Variants in MAD1L1 observed in about 807,000 individuals in gnomAD.
MAD1L1 encodes the protein mitotic arrest deficient 1 like 1.
A neutral mutation model predicts 96.9 loss-of-function variants in MAD1L1; 95 were observed. That is an observed-to-expected ratio of 0.98 (90% confidence interval 0.83 to 1.16). MAD1L1 has a LOEUF of 1.16. Among genes scored for constraint, MAD1L1 ranks in the 50% most tolerant of loss-of-function variants. The pLI, the probability that MAD1L1 is intolerant of heterozygous loss-of-function variation, is 0.00. For synonymous variants in MAD1L1, 473 were observed against 396.6 expected (o/e 1.19, Z -2.29); for missense variants, 1,007 against 954.4 (o/e 1.06, Z -0.73).
chr7:2,056,404 G>T (rs1277795306), intron 12 of MAD1L1, among the ~76,000 whole-genome samples: 1 of 152,032 alleles, frequency 6.6e-6, no homozygotes, highest in East Asian at 1.9e-4. Flanking sequence ...CCTCTGCTCT[G>T]CTCTGCTCTG....
chr7:2,223,232 G>A (rs999958225), intron 4 of MAD1L1, among the ~76,000 whole-genome samples: 5 of 152,232 alleles, frequency 3.3e-5, no homozygotes, highest in Non-Finnish European at 5.9e-5. Context: ...GTGGGCAGAA[G>A]CAGTTTACAC....
At chr7:1,973,381 G>A (rs536703737) in intron 15 of MAD1L1, among the ~76,000 whole-genome samples, 5 of 152,312 alleles carry the variant, frequency 3.3e-5, no homozygotes, top group Admixed American at 2.0e-4. Context: ...CCTGGTACAC[G>A]CGGAGTGCGG....
intron 10 of MAD1L1, among the ~76,000 whole-genome samples, chr7:2,166,470 T>G (rs946924221): frequency 6.9e-6 from 1 of 145,252 alleles, no homozygotes; most frequent in Non-Finnish European, 1.5e-5. Context: ...CTGTTTGAAC[T>G]GTTCAAGCTA....
At chr7:1,936,243 C>T (rs1778594219) in intron 17 of MAD1L1, among the ~76,000 whole-genome samples, 1 of 152,230 alleles carries the variant, frequency 6.6e-6, no homozygotes, top group South Asian at 2.1e-4. Flanking sequence ...GCAGGCCCTG[C>T]TGGCCCTCAT....
At chr7:2,100,951 C>T (rs1242602234) in intron 11 of MAD1L1, among the ~76,000 whole-genome samples, 1 of 152,188 alleles carries the variant, frequency 6.6e-6, no homozygotes, top group African/African-American at 2.4e-5. Context: ...GTGTTAAAGT[C>T]GTATCATTTC....
chr7:1,999,168 TAC>T (rs1478822872), intron 14 of MAD1L1, among the ~76,000 whole-genome samples: 6 of 152,132 alleles, frequency 3.9e-5, no homozygotes, highest in African/African-American at 1.2e-4. Context: ...CATTAAACAA[TAC>T]AGTTACAATG....
At chr7:2,106,275 A>G (rs1787094267) in intron 11 of MAD1L1, among the ~76,000 whole-genome samples, 1 of 151,908 alleles carries the variant, frequency 6.6e-6, no homozygotes, top group South Asian at 2.1e-4. Context: ...CCGCTTCTCT[A>G]TCGGATCCAC....
At chr7:1,909,488 C>A (rs368418153) in intron 17 of MAD1L1, among the ~76,000 whole-genome samples, 1 of 152,228 alleles carries the variant, frequency 6.6e-6, no homozygotes, top group African/African-American at 2.4e-5. Context: ...TATGGCTGTG[C>A]GATTTGTATC....
At chr7:1,987,462 G>C (rs767830369) in intron 14 of MAD1L1, among the ~76,000 whole-genome samples, 7 of 152,232 alleles carry the variant, frequency 4.6e-5, no homozygotes, top group Non-Finnish European at 8.8e-5. Flanking sequence ...ATGAAGCGAA[G>C]AGAGCCGCCC....
Position 2,189,528 on chromosome 7 carries a change from G to C in MAD1L1, c.986+23684C>G, listed in dbSNP as rs554072747. ...GATCCCTGAGGACATTATGTTAAGT[G>C]AAATAAGCCAGTCACATAAGGACAA... On this transcript the variant is annotated intron_variant, in intron 10 of 18. Coordinates refer to ENST00000265854, the MANE Select transcript of MAD1L1 (RefSeq NM_001013836.2). 3.9e-5 allele frequency among the ~76,000 whole-genome samples: 6 copies of C among 152,348 alleles called. No homozygotes were observed. The East Asian group carries it at 1.2e-3, about 29-fold the overall frequency.
rs1207009693 is a variant in MAD1L1 at position 2,138,099 on chromosome 7, G to A, written c.1073+11053C>T. Among the ~76,000 whole-genome samples, 5 of 152,380 alleles carry A rather than the reference G, an allele frequency of 3.3e-5. No individual in the cohort carries two copies. In the East Asian group the frequency reaches 9.6e-4, roughly 29 times the overall value. Reference sequence around the variant, plus strand: ...CCTTCACCAGGGCTGCACCCACGCTGCGCTCTCACCACCACTGGGCAGCCC... The same window carrying A: ...CCTTCACCAGGGCTGCACCCACGCTACGCTCTCACCACCACTGGGCAGCCC... On this transcript the variant is annotated intron_variant, in intron 11 of 18. Transcript: ENST00000265854.
rs189181036 is a variant in MAD1L1 at position 1,854,451 on chromosome 7, A to G, written c.1999-38223T>C. 4.5e-4 allele frequency: 202 copies of G among 444,678 alleles called. 1 individual carries two copies. In the East Asian group the frequency reaches 0.013, roughly 28 times the overall value. The allele number at this position is 444,678 out of a possible 1,614,324, so 27.5% of individuals were successfully genotyped here. A position where few individuals can be genotyped will look rare whatever the true frequency, so the allele number is the denominator to read the frequency against. On this transcript the variant is annotated intron_variant, in intron 18 of 18. Transcript: ENST00000265854. ...ACTTCTCACAGGCCTGGAGGCCACA[A>G]GGGCAGGGTAAGGCACAGGCAGACT...
intron 12 of MAD1L1, among the ~76,000 whole-genome samples, chr7:2,062,699 G>A (rs899871960): frequency 6.6e-6 from 1 of 152,160 alleles, no homozygotes; most frequent in African/African-American, 2.4e-5. Flanking sequence ...AGTCTGTCCT[G>A]GGTCTGTAAT....
At chr7:1,944,410 G>A (rs1006075700) in intron 16 of MAD1L1, among the ~76,000 whole-genome samples, 1 of 152,168 alleles carries the variant, frequency 6.6e-6, no homozygotes, top group Non-Finnish European at 1.5e-5. Flanking sequence ...GGCCGGGTGG[G>A]GAGTGAGAAA....
At chr7:2,033,925 T>C (rs1783346989) in intron 12 of MAD1L1, among the ~76,000 whole-genome samples, 1 of 152,164 alleles carries the variant, frequency 6.6e-6, no homozygotes, top group African/African-American at 2.4e-5. Context: ...ACCCCATCTC[T>C]ACAAAAAAAA....
chr7:1,841,140 A>C (rs1211040846), intron 18 of MAD1L1, among the ~76,000 whole-genome samples: 1 of 152,156 alleles, frequency 6.6e-6, no homozygotes, highest in African/African-American at 2.4e-5. Flanking sequence ...CGTCCCGATA[A>C]CCTGGCTGCT....
intron 10 of MAD1L1, among the ~76,000 whole-genome samples, chr7:2,165,644 G>A (rs193215742): frequency 3.9e-4 from 37 of 94,322 alleles, no homozygotes; most frequent in Non-Finnish European, 5.5e-4. Context: ...TGGTGTCCAC[G>A]GCACGAAACG....
At chr7:2,030,105 T>C (rs1783155220) in intron 12 of MAD1L1, among the ~76,000 whole-genome samples, 1 of 152,140 alleles carries the variant, frequency 6.6e-6, no homozygotes, top group South Asian at 2.1e-4. Flanking sequence ...CGTGTAATCC[T>C]AGCCTCATTT....
At chr7:2,032,456 G>A (rs1313045224) in intron 12 of MAD1L1, among the ~76,000 whole-genome samples, 1 of 152,236 alleles carries the variant, frequency 6.6e-6, no homozygotes, top group Non-Finnish European at 1.5e-5. Flanking sequence ...GACCCCACGA[G>A]TCCTGAAAAG....
Sources: gnomAD v4.1 joint callset for allele counts (sites outside exome capture counted in the v4.1 genomes callset) on GRCh38, gnomAD v4.1.1 for gene constraint, MANE v1.5 for transcripts, NCBI Gene and HGNC (gene_info 2026-07-23, HGNC 2026-07-21) for gene names.